Variants in HNRNPM observed in about 807,000 individuals in gnomAD.
The protein encoded by HNRNPM is heterogeneous nuclear ribonucleoprotein M, also known as CEA receptor.
HNRNPM carries 11 observed loss-of-function variants against 73.1 expected under a neutral mutation model. That is an observed-to-expected ratio of 0.15 (90% CI 0.09 to 0.25). HNRNPM has a LOEUF of 0.25. Ranked by LOEUF, HNRNPM falls within the 10% of genes least tolerant of loss-of-function variation. The pLI is 1.00. For synonymous variants in HNRNPM, 407 were observed against 355.2 expected (o/e 1.15, Z -1.64); for missense variants, 789 against 1,067.9 (o/e 0.74, Z 3.64).
At chr19:8,462,000 G>A (rs1028009958) in intron 2 of HNRNPM, 2 of 153,636 alleles carry the variant, frequency 1.3e-5, no homozygotes, top group African/African-American at 2.4e-5. Flanking sequence ...CCCTGAGTGC[G>A]GGGCTCTGTA....
intron 2 of HNRNPM, among the ~76,000 whole-genome samples, chr19:8,456,094 T>C (rs1429236101): frequency 2.6e-5 from 4 of 152,168 alleles, no homozygotes; most frequent in Non-Finnish European, 5.9e-5. Context: ...TTTTAACTTT[T>C]AGGCTTTTTC....
intron 11 of HNRNPM, among the ~76,000 whole-genome samples, chr19:8,473,947 G>C (rs1970331965): frequency 1.3e-5 from 2 of 151,784 alleles, no homozygotes; most frequent in South Asian, 4.1e-4. Flanking sequence ...GCCTCTTTTT[G>C]CTTGTCTATT....
intron 2 of HNRNPM, among the ~76,000 whole-genome samples, chr19:8,461,417 C>G (rs1365696827): frequency 2.0e-5 from 3 of 152,170 alleles, no homozygotes; most frequent in Admixed American, 2.0e-4. Context: ...CTAAACCAAA[C>G]CGATCCAGAG....
At chr19:8,457,554 A>G (rs1482827959) in intron 2 of HNRNPM, among the ~76,000 whole-genome samples, 1 of 152,224 alleles carries the variant, frequency 6.6e-6, no homozygotes, top group Non-Finnish European at 1.5e-5. Context: ...TACTGGTTAA[A>G]TTAATTACTT....
chr19:8,474,057 A>G (rs1970337983), intron 11 of HNRNPM, 110 bp from the exon 12 acceptor site: 2 of 779,784 alleles, frequency 2.6e-6, no homozygotes, highest in East Asian at 2.9e-5. Flanking sequence ...TAAACTTGGT[A>G]AGTTCTTGGC....
intron 9 of HNRNPM, 43 bp downstream of exon 9, chr19:8,468,877 T>G (rs1568280575): frequency 6.8e-7 from 1 of 1,472,506 alleles, no homozygotes. Flanking sequence ...GAATTGGAGT[T>G]ACACTAATAA....
chr19:8,484,368 G>A (rs1753352061), intron 13 of HNRNPM, among the ~76,000 whole-genome samples: 1 of 152,034 alleles, frequency 6.6e-6, no homozygotes, highest in South Asian at 2.1e-4. Flanking sequence ...GTAGAGATGG[G>A]GTTTCACCAT....
intron 5 of HNRNPM, among the ~76,000 whole-genome samples, chr19:8,464,999 A>G (rs1184806841): frequency 6.6e-6 from 1 of 152,200 alleles, no homozygotes; most frequent in African/African-American, 2.4e-5. Context: ...TACCAAGCCC[A>G]TGAAGCTCTA....
At chr19:8,478,815 C>T (rs1301685804) in intron 12 of HNRNPM, among the ~76,000 whole-genome samples, 1 of 152,064 alleles carries the variant, frequency 6.6e-6, no homozygotes, top group Non-Finnish European at 1.5e-5. Flanking sequence ...CCCTCTGGCT[C>T]CCTAGGCCTG....
chr19:8,478,665 A>G (rs1280510805), intron 12 of HNRNPM, among the ~76,000 whole-genome samples: 1 of 152,160 alleles, frequency 6.6e-6, no homozygotes. Flanking sequence ...TTTTATTGCT[A>G]TATCAGTAGC....
intron 1 of HNRNPM, among the ~76,000 whole-genome samples, chr19:8,452,336 CAATATT>C (rs1225017247): frequency 6.6e-6 from 1 of 152,146 alleles, no homozygotes; most frequent in Non-Finnish European, 1.5e-5. Flanking sequence ...TCAAAAGTAA[CAATATT>C]AAAATTCATT....
intron 1 of HNRNPM, among the ~76,000 whole-genome samples, chr19:8,445,976 A>G (rs905525988): frequency 6.6e-6 from 1 of 152,090 alleles, no homozygotes; most frequent in Non-Finnish European, 1.5e-5. Context: ...TTGGCTTTTA[A>G]AAGTTTCTTT....
At chr19:8,479,571 C>T (rs1381741880) in intron 12 of HNRNPM, among the ~76,000 whole-genome samples, 1 of 151,798 alleles carries the variant, frequency 6.6e-6, no homozygotes, top group Non-Finnish European at 1.5e-5. Flanking sequence ...CCTACCTTTG[C>T]CTCTGAGTGG....
chr19:8,455,002 C>G (rs1191460030), intron 1 of HNRNPM, among the ~76,000 whole-genome samples: 1 of 152,044 alleles, frequency 6.6e-6, no homozygotes, highest in African/African-American at 2.4e-5. Flanking sequence ...GAGACAGGGT[C>G]TCGCTCTGTC....
chr19:8,464,390 C>T (rs1045723095), intron 5 of HNRNPM, among the ~76,000 whole-genome samples: 1 of 152,168 alleles, frequency 6.6e-6, no homozygotes, highest in Admixed American at 6.5e-5. Context: ...TAATCCCCAG[C>T]ACTTTGGGAG....
chr19:8,487,207 G>A (rs1359403998), intron 15 of HNRNPM, 132 bp downstream of exon 15: 8 of 777,366 alleles, frequency 1.0e-5, no homozygotes, highest in South Asian at 4.2e-5. Context: ...TTCTGCCCAC[G>A]CCAATGCTCA....
rs762867389 is a variant in HNRNPM, at chr19:8,485,815, G to A, written c.1387G>A (p.Asp463Asn). 16 of 1,602,844 alleles carry A rather than the reference G, an allele frequency of 1.0e-5. No homozygotes were observed. Among genetic ancestry groups the A allele is most frequent in the South Asian group, 2.2e-5 (2 of 90,994 alleles). The change falls in exon 14 of 16, where the codon GAC becomes AAC. Residue 463 changes from aspartate (D) to asparagine (N), a missense_variant. Asp to Asn is a conservative substitution (Grantham distance 23, BLOSUM62 1). This residue lies in a region of HNRNPM where 604 missense variants were observed against 744.0 expected (regional missense o/e 0.81). Transcript: ENST00000325495. ...GIERMGPLGL[D>N]HMASSIERMG... ...TGAGCGCATGGGCCCGCTGGGCCTC[G>A]ACCACATGGCCTCCAGCATTGAGCG...
chr19:8,485,034 G>GT (rs1473659999), intron 13 of HNRNPM, among the ~76,000 whole-genome samples: 1 of 151,962 alleles, frequency 6.6e-6, no homozygotes, highest in Non-Finnish European at 1.5e-5. Flanking sequence ...CTCGGTGTGT[G>GT]TTTTTTTGAC....
chr19:8,480,373 G>A (rs1447096204), intron 12 of HNRNPM, among the ~76,000 whole-genome samples: 1 of 139,158 alleles, frequency 7.2e-6, no homozygotes, highest in Non-Finnish European at 1.5e-5. Context: ...AAAACTTACT[G>A]TCATTTGCCT....
Sources: gnomAD v4.1 joint callset for allele counts (sites outside exome capture counted in the v4.1 genomes callset) on GRCh38, gnomAD v4.1.1 for gene constraint, gnomAD v4.1.1 regional missense constraint, MANE v1.5 for transcripts, NCBI Gene and HGNC (gene_info 2026-07-23, HGNC 2026-07-21) for gene names.